SLC35F4: variants seen among roughly 807,000 people sequenced by gnomAD.
The protein encoded by SLC35F4 is chromosome 14 open reading frame 36.
A neutral mutation model predicts 44.2 loss-of-function variants in SLC35F4; 24 were observed. The observed-to-expected ratio is 0.54, with a 90% CI of 0.39 to 0.76. The LOEUF (loss-of-function observed/expected upper bound fraction) is 0.76, where lower values mean the gene tolerates loss of function less well. Among genes scored for constraint, SLC35F4 ranks in the 30% least tolerant of loss-of-function variants. SLC35F4 has a pLI of 0.00. For missense variants in SLC35F4, 562 were observed against 586.1 expected (o/e 0.96, Z 0.42); for synonymous variants, 238 against 223.6 (o/e 1.06, Z -0.57).
chr14:57,629,785 A>T, intron 1 of SLC35F4: 1 of 305,204 alleles, frequency 3.3e-6, no homozygotes, highest in Non-Finnish European at 6.5e-6. Flanking sequence ...AGGAACATGA[A>T]TGAGAAATTA....
At chr14:57,706,038 A>G (rs1011457596) in intron 1 of SLC35F4, among the ~76,000 whole-genome samples, 2 of 152,180 alleles carry the variant, frequency 1.3e-5, no homozygotes, top group Non-Finnish European at 2.9e-5. Flanking sequence ...TGATGTGCCT[A>G]CTGCAATGAG....
chr14:57,568,790 G>A (rs866167796), intron 6 of SLC35F4, among the ~76,000 whole-genome samples: 1 of 152,160 alleles, frequency 6.6e-6, no homozygotes, highest in Non-Finnish European at 1.5e-5. Context: ...TCTGCAGGTC[G>A]AGCATTGTGG....
chr14:57,610,106 A>G (rs2071405431), intron 1 of SLC35F4, among the ~76,000 whole-genome samples: 1 of 152,206 alleles, frequency 6.6e-6, no homozygotes, highest in South Asian at 2.1e-4. Context: ...TCATTCATTC[A>G]TAAGGATTTA....
intron 1 of SLC35F4, among the ~76,000 whole-genome samples, chr14:57,637,062 G>A (rs2073043962): frequency 6.6e-6 from 1 of 152,070 alleles, no homozygotes; most frequent in Non-Finnish European, 1.5e-5. Flanking sequence ...GTGGTTTTTA[G>A]TTTATACAAA....
At chr14:57,819,078 GA>G (rs1882903653) in intron 1 of SLC35F4, among the ~76,000 whole-genome samples, 1 of 152,012 alleles carries the variant, frequency 6.6e-6, no homozygotes, top group Admixed American at 6.6e-5. Context: ...AGAATTAGAA[GA>G]GACAAAATTG....
At chr14:57,625,633 C>G (rs2072435659) in intron 1 of SLC35F4, among the ~76,000 whole-genome samples, 1 of 152,130 alleles carries the variant, frequency 6.6e-6, no homozygotes, top group South Asian at 2.1e-4. Flanking sequence ...ACAGAGCCCT[C>G]AGAAATAACA....
chr14:57,881,603 T>C (rs946311880), intron 1 of SLC35F4, among the ~76,000 whole-genome samples: 3 of 152,108 alleles, frequency 2.0e-5, no homozygotes, highest in Admixed American at 1.3e-4. Flanking sequence ...ACAAGCCCAA[T>C]AGAGTGACTG....
intron 1 of SLC35F4, among the ~76,000 whole-genome samples, chr14:57,779,105 CA>C (rs953857972): frequency 2.4e-4 from 36 of 150,088 alleles, no homozygotes; most frequent in African/African-American, 4.6e-4. Flanking sequence ...TAGCAGAAGA[CA>C]AAAAAAAATA....
intron 1 of SLC35F4, among the ~76,000 whole-genome samples, chr14:57,760,345 A>T (rs2077095433): frequency 6.6e-6 from 1 of 152,160 alleles, no homozygotes; most frequent in Non-Finnish European, 1.5e-5. Flanking sequence ...CTACATATGC[A>T]TTGATTTATC....
At chr14:57,917,217 C>A (rs772459410) in intron 1 of SLC35F4, among the ~76,000 whole-genome samples, 5 of 152,036 alleles carry the variant, frequency 3.3e-5, no homozygotes, top group Non-Finnish European at 4.4e-5. Context: ...CACACCACCA[C>A]TCCCCACTAA....
In SLC35F4 at chr14:57,848,837, C is replaced by T. The variant is rs372771702; in HGVS notation, c.103+16886G>A. Among the ~76,000 whole-genome samples, 305 of 152,324 alleles carry T rather than the reference C, an allele frequency of 2.0e-3. 2 individuals are homozygous for T. Among genetic ancestry groups the T allele is most frequent in the African/African-American group, 7.0e-3 (293 of 41,574 alleles). On this transcript the variant is annotated intron_variant, in intron 1 of 7. Coordinates refer to ENST00000556826, the MANE Select transcript of SLC35F4 (RefSeq NM_001306087.2). ...AGCTCAGGATTCCTCGACTGTCACA[C>T]AAACCTACTATACATGCTGAGGATC...
intron 3 of SLC35F4, among the ~76,000 whole-genome samples, chr14:57,582,733 T>C (rs555282106): frequency 1.3e-4 from 20 of 152,316 alleles, no homozygotes; most frequent in Admixed American, 1.3e-3. Context: ...ATGAAATCTA[T>C]TTACAGGACT....
At chr14:57,774,317 C>T (rs1174229199) in intron 1 of SLC35F4, among the ~76,000 whole-genome samples, 1 of 152,188 alleles carries the variant, frequency 6.6e-6, no homozygotes. Context: ...GAAACCCACT[C>T]TCACCCTGAG....
intron 1 of SLC35F4, among the ~76,000 whole-genome samples, chr14:57,782,090 T>TA (rs1180487994): frequency 2.0e-5 from 3 of 152,120 alleles, no homozygotes; most frequent in Non-Finnish European, 4.4e-5. Context: ...GTAGTACAAG[T>TA]AAAAAAATGT....
At chr14:57,568,900 G>C (rs946195526) in intron 6 of SLC35F4, among the ~76,000 whole-genome samples, 1 of 152,162 alleles carries the variant, frequency 6.6e-6, no homozygotes, top group Non-Finnish European at 1.5e-5. Flanking sequence ...GATGAGGGAT[G>C]AGCAACAACA....
intron 3 of SLC35F4, among the ~76,000 whole-genome samples, chr14:57,588,698 A>G (rs1399466351): frequency 6.6e-6 from 1 of 152,202 alleles, no homozygotes; most frequent in Non-Finnish European, 1.5e-5. Context: ...CTTAGTGCCA[A>G]ACTCCCCGTT....
At chr14:57,733,255 A>C (rs925938188) in intron 1 of SLC35F4, among the ~76,000 whole-genome samples, 2 of 151,936 alleles carry the variant, frequency 1.3e-5, no homozygotes, top group African/African-American at 4.8e-5. Flanking sequence ...TTCATAAGTC[A>C]GGACAGAAAT....
At chr14:57,935,511 G>A (rs1254017880) in intron 1 of SLC35F4, among the ~76,000 whole-genome samples, 1 of 152,240 alleles carries the variant, frequency 6.6e-6, no homozygotes, top group Non-Finnish European at 1.5e-5. Flanking sequence ...GGATTAGGCA[G>A]AGGATGGCAA....
At chr14:57,947,715 G>A (rs1039281217) in intron 1 of SLC35F4, among the ~76,000 whole-genome samples, 1 of 152,066 alleles carries the variant, frequency 6.6e-6, no homozygotes, top group Admixed American at 6.5e-5. Flanking sequence ...CACCAATTTT[G>A]CTGAGGGTTT....
Sources: allele counts gnomAD v4.1 joint callset (sites outside exome capture counted in the v4.1 genomes callset), GRCh38; gene constraint gnomAD v4.1.1; transcripts MANE v1.5; gene names NCBI Gene and HGNC (gene_info 2026-07-23, HGNC 2026-07-21).